G6PD: variants seen among roughly 807,000 people sequenced by gnomAD.
G6PD encodes glucose-6-phosphate 1-dehydrogenase.
G6PD carries 2 observed loss-of-function variants against 38.2 expected under a neutral mutation model. The observed-to-expected ratio is 0.05, with a 90% CI of 0.02 to 0.16. The LOEUF is 0.16. Among genes scored for constraint, G6PD ranks in the 10% least tolerant of loss-of-function variants. The pLI is 1.00. For synonymous variants in G6PD, 188 were observed against 196.0 expected (o/e 0.96, Z 0.34); for missense variants, 310 against 471.6 (o/e 0.66, Z 3.17).
At position 154,532,768 on chromosome X, in the gene G6PD, C is replaced by T. The variant is rs1557229739; in HGVS notation, c.1086G>A (p.Leu362=). The T allele has an allele frequency of 1.7e-6, 2 of 1,210,081 alleles. No individual in the cohort carries two copies. The highest frequency in any genetic ancestry group is 5.9e-5 in the East Asian group (2 of 33,747). ...VPFILRCGKA[L]NERKAEVRLQ... is the part of the protein sequence containing the mutation. ...GCCTCACCTCGGCCTTGCGCTCGTTCAGGGCCTTGCCGCAGCGCAGGATGA... is the reference window on the plus strand; with the variant it reads ...GCCTCACCTCGGCCTTGCGCTCGTTTAGGGCCTTGCCGCAGCGCAGGATGA... Residue 362 remains leucine, a synonymous_variant, in exon 10 of 13, where the codon CTG becomes CTA. Transcript: ENST00000393562.
upstream of G6PD, chrX:154,546,856 G>GC: frequency 9.0e-7 from 1 of 1,111,068 alleles, no homozygotes; most frequent in Non-Finnish European, 1.2e-6. Context: ...CGGGGGCTGA[G>GC]CCCCGCCGGC....
chrX:154,535,568 G>A (rs782713240), intron 4 of G6PD, among the ~76,000 whole-genome samples, 183 bp from the exon 5 acceptor site: 17 of 112,428 alleles, frequency 1.5e-4, no homozygotes, highest in Non-Finnish European at 2.8e-4. Context: ...ACATCCAGAG[G>A]GAGGGAGGCC....
rs1603414512 is a variant in G6PD, at chrX:154,544,871, A to G, written c.120+1165T>C. Among the ~76,000 whole-genome samples the G allele has an allele frequency of 4.4e-5, 5 of 112,725 alleles. No homozygotes were observed. The South Asian group carries it at 1.8e-3, about 41-fold the overall frequency. ...GCGCGTTGTTCTATGTGAACAAAGAACCACTGAGCTCAGCCAGCACTGAGG... is the reference window on the plus strand; with the variant it reads ...GCGCGTTGTTCTATGTGAACAAAGAGCCACTGAGCTCAGCCAGCACTGAGG... On this transcript the variant is annotated intron_variant, in intron 2 of 12. Transcript: ENST00000393562.
At chrX:154,535,765 G>C in intron 4 of G6PD, 172 bp downstream of exon 4, 1 of 501,030 alleles carries the variant, frequency 2.0e-6, no homozygotes, top group South Asian at 2.8e-5. Flanking sequence ...TGTGGGTCCT[G>C]GTCACGGGGG....
Position 154,531,922 on chromosome X carries a change from C to T in G6PD, c.*78G>A, listed in dbSNP as rs1333910950. 2 of 1,160,285 alleles carry T rather than the reference C, an allele frequency of 1.7e-6. No homozygotes were observed. Among genetic ancestry groups the T allele is most frequent in the African/African-American group, 3.8e-5 (2 of 53,177 alleles). On this transcript the variant is annotated 3_prime_UTR_variant, in exon 13 of 13. Transcript: ENST00000393562. ...GGAATGTGCAGCTGAGGTCAATGGT[C>T]CCGGAGTCCTCCCGACTCGGGGTCG... is the stretch of plus-strand genomic sequence containing the variant.
Position 154,534,453 on chromosome X carries a change from G to T in G6PD, c.529C>A (p.Leu177Met). Reference protein sequence around the residue: ...IIVEKPFGRDLQSSDRLSNHI... With the variant: ...IIVEKPFGRDMQSSDRLSNHI... ...TTGGACAGCCGGTCAGAGCTCTGCAGGTCCCTCCCGAAGGGCTTCTCCACG... is the reference window on the plus strand; with the variant it reads ...TTGGACAGCCGGTCAGAGCTCTGCATGTCCCTCCCGAAGGGCTTCTCCACG... The change falls in exon 6 of 13, where the codon CTG (leucine) becomes ATG (methionine). Residue 177 changes from leucine (L) to methionine (M), a missense_variant. Transcript: ENST00000393562. 1 of 1,211,871 alleles carries T rather than the reference G, an allele frequency of 8.3e-7. No individual in the cohort carries two copies. The highest frequency in any genetic ancestry group is 1.1e-6 in the Non-Finnish European group (1 of 895,433).
chrX:154,533,300 C>T lies in G6PD; in HGVS notation c.865-172G>A, dbSNP rs183394670. On this transcript the variant is annotated intron_variant, in intron 8 of 12. Coordinates refer to ENST00000393562, the MANE Select transcript of G6PD (RefSeq NM_001360016.2). ...CCTCCCTGAGGACCCTCCAGGACCA[C>T]CCTGGTCCATCTCGAGTCTATTCTG... is the stretch of plus-strand genomic sequence containing the variant. 2.6e-5 allele frequency: 14 copies of T among 545,544 alleles called. 1 individual carries two copies. The African/African-American group carries it at 3.0e-4, about 12-fold the overall frequency. The allele number at this position is 545,544 out of a possible 1,213,427, so 45.0% of individuals were successfully genotyped here. A position where few individuals can be genotyped will look rare whatever the true frequency, so the allele number is the denominator to read the frequency against.
intron 2 of G6PD, 144 bp downstream of exon 2, chrX:154,545,892 G>C (rs1376984457): frequency 1.4e-6 from 1 of 735,526 alleles, no homozygotes; most frequent in Admixed American, 2.4e-5. Flanking sequence ...GGTAGAGCCG[G>C]GATGATCCTG....
chrX:154,534,300 ACC>A (rs782807000), intron 6 of G6PD, 36 bp downstream of exon 6: 38 of 1,205,244 alleles, frequency 3.2e-5, no homozygotes, highest in Non-Finnish European at 4.1e-5. Flanking sequence ...CCTGAGTACC[ACC>A]CCCACCCTGG....
chrX:154,531,836 A>T lies in G6PD; in HGVS notation c.*164T>A, dbSNP rs1322158508. 11 of 868,686 alleles carry T rather than the reference A, an allele frequency of 1.3e-5. No individual in the cohort carries two copies. Among genetic ancestry groups the T allele is most frequent in the Non-Finnish European group, 1.6e-5 (10 of 624,160 alleles). The allele number at this position is 868,686 out of a possible 1,213,427, so 71.6% of individuals were successfully genotyped here. On this transcript the variant is annotated 3_prime_UTR_variant, in exon 13 of 13. Coordinates refer to ENST00000393562, the MANE Select transcript of G6PD (RefSeq NM_001360016.2). ...CGAGTGCTTGGCAGCTGAGGAATGT[A>T]GCTGGGCTCGGGTAGTAGCAGCAGC...
chrX:154,541,656 G>A (rs2070509446), intron 2 of G6PD, among the ~76,000 whole-genome samples: 1 of 111,908 alleles, frequency 8.9e-6, no homozygotes, highest in Non-Finnish European at 1.9e-5. Context: ...GCAGTTGGGA[G>A]CTTCTCATCT....
chrX:154,540,556 T>G (rs1386139894), intron 2 of G6PD, among the ~76,000 whole-genome samples: 1 of 105,463 alleles, frequency 9.5e-6, no homozygotes, highest in African/African-American at 3.5e-5. Context: ...GAGAATCACT[T>G]GAATCCAGGA....
At chrX:154,546,893 G>GGCGCCTGGGCTGA (rs1557233628), upstream of G6PD, 2 of 951,628 alleles carry the variant, frequency 2.1e-6, no homozygotes, top group South Asian at 5.7e-5. Context: ...GGCGGGGGCG[G>GGCGCCTGGGCTGA]GCGCCTGGGC....
At chrX:154,544,189 GTC>G (rs2070617286) in intron 2 of G6PD, among the ~76,000 whole-genome samples, 1 of 101,444 alleles carries the variant, frequency 9.9e-6, no homozygotes, top group African/African-American at 3.7e-5. Context: ...TTGAGACAGA[GTC>G]TCGCTCTGTC....
At chrX:154,546,305 T>C in intron 1 of G6PD, 142 bp from the exon 2 acceptor site, 1 of 809,592 alleles carries the variant, frequency 1.2e-6, no homozygotes, top group Non-Finnish European at 1.8e-6. Context: ...GGCTGGGCAT[T>C]GGGGAGTGGT....
Position 154,533,737 on chromosome X carries a change from G to A in G6PD, c.771-68C>T, listed in dbSNP as rs782365153. ...TGTTCACCTGGTTCAAGGGCATGGG[G>A]ACCCCAAACAAGGCTTCCTAGTGAC... is the stretch of plus-strand genomic sequence containing the variant. On this transcript the variant is annotated intron_variant, in intron 7 of 12. Transcript: ENST00000393562. 1.2e-5 allele frequency: 15 copies of A among 1,200,215 alleles called. No individual in the cohort carries two copies. In the East Asian group the frequency reaches 1.5e-4, roughly 12 times the overall value.
At position 154,534,066 on chromosome X, in the gene G6PD, C is replaced by G; in HGVS notation, c.739G>C (p.Gly247Arg). 1 of 1,211,749 alleles carries G rather than the reference C, an allele frequency of 8.3e-7. No individual in the cohort carries two copies. The highest frequency in any genetic ancestry group is 1.1e-6 in the Non-Finnish European group (1 of 895,457). Residue 247 changes from glycine to arginine, a missense_variant, in exon 7 of 13, where the codon GGG (glycine) becomes CGG (arginine). Coordinates refer to ENST00000393562, the MANE Select transcript of G6PD (RefSeq NM_001360016.2). ...ATCCCAAATTCATCGAAATAGCCCC[C>G]GCGACCCTCAGTGCCAAAGGGCTCC... is the stretch of plus-strand genomic sequence containing the variant. Reference protein sequence around the residue: ...FKEPFGTEGRGGYFDEFGIIR... With the variant: ...FKEPFGTEGRRGYFDEFGIIR...
chrX:154,546,744 G>C, intron 1 of G6PD, 45 bp downstream of exon 1: 12 of 1,036,482 alleles, frequency 1.2e-5, no homozygotes, highest in African/African-American at 1.9e-5. Flanking sequence ...CGCAGCGCGG[G>C]ACAGTACGCT....
Position 154,532,472 on chromosome X carries a change from A to C in G6PD, c.1288-10T>G. 8.3e-7 allele frequency: 1 copy of C among 1,207,532 alleles called. No homozygotes were observed. Reference sequence around the variant, plus strand: ...CAGGGAGCTTCACGTTCTGTGAGGGAGAGAGTGTCTTGCTGATGCCACTGC... The same window carrying C: ...CAGGGAGCTTCACGTTCTGTGAGGGCGAGAGTGTCTTGCTGATGCCACTGC... On this transcript the variant is annotated splice_polypyrimidine_tract_variant and intron_variant, in intron 10 of 12. Coordinates refer to ENST00000393562, the MANE Select transcript of G6PD (RefSeq NM_001360016.2).
Sources: gnomAD v4.1 joint callset for allele counts (sites outside exome capture counted in the v4.1 genomes callset) on GRCh38, gnomAD v4.1.1 for gene constraint, MANE v1.5 for transcripts, NCBI Gene and HGNC (gene_info 2026-07-23, HGNC 2026-07-21) for gene names.